NCAM2: variants seen among roughly 807,000 people sequenced by gnomAD.
NCAM2 encodes neural cell adhesion molecule 2.
NCAM2 carries 30 observed loss-of-function variants against 98.1 expected under a neutral mutation model. That is an observed-to-expected ratio of 0.31 (90% CI 0.23 to 0.41). The LOEUF is 0.41. NCAM2 is among the 10% of genes least tolerant of loss of function. The probability of loss-of-function intolerance (pLI) is 1.00; values close to 1 mark genes in which losing one functional copy is unlikely to be tolerated. For synonymous variants in NCAM2, 368 were observed against 342.4 expected (o/e 1.07, Z -0.83); for missense variants, 867 against 1,005.8 (o/e 0.86, Z 1.87).
intron 15 of NCAM2, among the ~76,000 whole-genome samples, chr21:21,491,985 G>A (rs1014605114): frequency 2.6e-5 from 4 of 151,378 alleles, no homozygotes; most frequent in African/African-American, 7.3e-5. Flanking sequence ...CAAATGGAGG[G>A]TATCTTGGAA....
chr21:21,229,103 T>C (rs2070511901), intron 1 of NCAM2, among the ~76,000 whole-genome samples: 2 of 151,516 alleles, frequency 1.3e-5, no homozygotes, highest in Non-Finnish European at 3.0e-5. Flanking sequence ...TTATTTTCTC[T>C]ACCCTATGCT....
intron 16 of NCAM2, among the ~76,000 whole-genome samples, chr21:21,509,511 A>G (rs1602526976): frequency 6.6e-6 from 1 of 152,216 alleles, no homozygotes; most frequent in East Asian, 1.9e-4. Flanking sequence ...AACAGGCTTC[A>G]TGATTTTTTG....
rs183771065 is a variant in NCAM2 at position 21,127,070 on chromosome 21, A to G, written c.55+128452A>G. ...TTATATTTTTCACTATTAAAAAAGA[A>G]TAAGAATCTGTCATAATGTAACTAT... On this transcript the variant is annotated intron_variant, in intron 1 of 17. Coordinates refer to ENST00000400546, the MANE Select transcript of NCAM2 (RefSeq NM_004540.5). 2.4e-4 allele frequency among the ~76,000 whole-genome samples: 36 copies of G among 152,102 alleles called. No individual in the cohort carries two copies. In the East Asian group the frequency reaches 6.8e-3, roughly 29 times the overall value.
rs146204356 is a variant in NCAM2 at position 21,402,088 on chromosome 21, A to G, written c.1196-8186A>G. Among the ~76,000 whole-genome samples, 88 of 152,310 alleles carry G rather than the reference A, an allele frequency of 5.8e-4. 1 individual carries two copies. Among genetic ancestry groups the G allele is most frequent in the Non-Finnish European group, 1.2e-3 (79 of 68,024 alleles). On this transcript the variant is annotated intron_variant, in intron 9 of 17. Transcript: ENST00000400546. Reference sequence around the variant, plus strand: ...AAAACATATGTGTTTGAACAATATGAAATGAGTGCACCTTGAAAATGAACA... The same window carrying G: ...AAAACATATGTGTTTGAACAATATGGAATGAGTGCACCTTGAAAATGAACA...
intron 1 of NCAM2, among the ~76,000 whole-genome samples, chr21:21,051,779 A>G (rs1418155216): frequency 1.3e-5 from 2 of 152,030 alleles, no homozygotes; most frequent in Non-Finnish European, 2.9e-5. Context: ...GTCTCATACA[A>G]TTGTAGGAAC....
intron 10 of NCAM2, among the ~76,000 whole-genome samples, chr21:21,411,084 ATATG>A (rs369592681): frequency 1.2e-5 from 1 of 86,768 alleles, no homozygotes; most frequent in Non-Finnish European, 2.5e-5. Flanking sequence ...ACACATATAT[ATATG>A]TGTGTATATA....
At chr21:21,533,492 G>A (rs563243900) in intron 16 of NCAM2, among the ~76,000 whole-genome samples, 15 of 151,864 alleles carry the variant, frequency 9.9e-5, no homozygotes, top group South Asian at 6.2e-4. Flanking sequence ...CAGTTTTACC[G>A]ATGGACCACA....
chr21:21,486,258 C>A (rs62216089), intron 15 of NCAM2, among the ~76,000 whole-genome samples: 5 of 144,174 alleles, frequency 3.5e-5, no homozygotes, highest in African/African-American at 5.2e-5. Flanking sequence ...GAGCCGAGAT[C>A]GCGCCACTGC....
intron 2 of NCAM2, among the ~76,000 whole-genome samples, chr21:21,280,963 G>A (rs879432374): frequency 1.3e-5 from 2 of 151,742 alleles, no homozygotes; most frequent in Non-Finnish European, 2.9e-5. Flanking sequence ...GTCTTTTTGT[G>A]TTTTTGTAGT....
At chr21:21,284,549 G>C (rs963978368) in intron 3 of NCAM2, 149 bp downstream of exon 3, 2 of 636,370 alleles carry the variant, frequency 3.1e-6, no homozygotes, top group Non-Finnish European at 5.4e-6. Flanking sequence ...GTGTATCTTA[G>C]AATAGAATAG....
chr21:21,056,783 A>G (rs762973228), intron 1 of NCAM2, among the ~76,000 whole-genome samples: 1 of 152,048 alleles, frequency 6.6e-6, no homozygotes, highest in Admixed American at 6.6e-5. Flanking sequence ...AATTGCAAAT[A>G]AATATAGATA....
chr21:21,335,999 T>G (rs1435230480), intron 7 of NCAM2, among the ~76,000 whole-genome samples: 1 of 152,168 alleles, frequency 6.6e-6, no homozygotes, highest in African/African-American at 2.4e-5. Context: ...ACTTACAATA[T>G]AGTTCAAAAG....
intron 15 of NCAM2, among the ~76,000 whole-genome samples, chr21:21,499,723 T>C (rs1478605261): frequency 6.6e-6 from 1 of 152,190 alleles, no homozygotes; most frequent in Non-Finnish European, 1.5e-5. Flanking sequence ...AACATATGTA[T>C]ATAATGACTT....
In NCAM2 at chr21:21,475,041, C is replaced by CAT. The variant is rs5842930; in HGVS notation, c.1897-2236_1897-2235dup. ...ATATATAATACACATATATAATGCACATATATATATATATACACAATTTTT... is the reference window on the plus strand; with the variant it reads ...ATATATAATACACATATATAATGCACATATATATATATATATACACAATTTTT... On this transcript the variant is annotated intron_variant, in intron 14 of 17. Transcript: ENST00000400546. Among the ~76,000 whole-genome samples, 439 of 148,596 alleles carry CAT rather than the reference C, an allele frequency of 3.0e-3. 1 individual carries two copies. The highest frequency in any genetic ancestry group is 0.011 in the Middle Eastern group (3 of 280).
At chr21:21,405,382 T>G in intron 9 of NCAM2, among the ~76,000 whole-genome samples, 1 of 152,150 alleles carries the variant, frequency 6.6e-6, no homozygotes, top group East Asian at 1.9e-4. Context: ...GGTAACAACC[T>G]AATTTCTTCA....
intron 1 of NCAM2, among the ~76,000 whole-genome samples, chr21:21,280,248 G>T (rs2072880848): frequency 6.6e-6 from 1 of 151,792 alleles, no homozygotes; most frequent in Admixed American, 6.6e-5. Context: ...CTTTTTTTTA[G>T]CTATTGCCCA....
intron 1 of NCAM2, among the ~76,000 whole-genome samples, chr21:21,035,616 A>G (rs943095501): frequency 2.0e-5 from 3 of 152,176 alleles, no homozygotes; most frequent in Non-Finnish European, 2.9e-5. Context: ...TAGCAATATT[A>G]TGTGTCCAGT....
chr21:21,440,640 C>G (rs1272800251), intron 12 of NCAM2, among the ~76,000 whole-genome samples: 1 of 150,864 alleles, frequency 6.6e-6, no homozygotes, highest in South Asian at 2.1e-4. Context: ...GAGATTGCAG[C>G]ACGGCACTCC....
At chr21:21,292,053 A>T in intron 4 of NCAM2, 51 bp from the exon 5 acceptor site, 1 of 1,576,550 alleles carries the variant, frequency 6.3e-7, no homozygotes, top group Admixed American at 1.8e-5. Context: ...AGCACTCTGG[A>T]CTTAGCCTTC....
Sources: allele counts gnomAD v4.1 joint callset (sites outside exome capture counted in the v4.1 genomes callset), GRCh38; gene constraint gnomAD v4.1.1; transcripts MANE v1.5; gene names NCBI Gene and HGNC (gene_info 2026-07-23, HGNC 2026-07-21).